The following PIK3C2G variants were observed in gnomAD, a reference collection of about 807,000 sequenced individuals.
The protein encoded by PIK3C2G is phosphatidylinositol 3-kinase C2 domain-containing subunit gamma.
In PIK3C2G, 168 loss-of-function variants were observed where a neutral mutation model predicts 181.1. The observed-to-expected ratio is 0.93, with a 90% CI of 0.82 to 1.05. The LOEUF (loss-of-function observed/expected upper bound fraction) is 1.05. PIK3C2G is among the 50% of genes least tolerant of loss of function. The pLI is 0.00. For missense variants in PIK3C2G, 1,869 were observed against 1,732.8 expected, an observed-to-expected ratio of 1.08 and a Z score of -1.40; for synonymous variants, 573 against 592.2, an observed-to-expected ratio of 0.97 and a Z score of 0.47.
At chr12:18,713,369 A>G in the PIK3C2G span, among the ~76,000 whole-genome samples, 1 of 152,182 alleles carries the variant, frequency 6.6e-6, no homozygotes, top group Non-Finnish European at 1.5e-5. Flanking sequence ...CATACCATTC[A>G]AAAGTGATAA....
intron 31 of PIK3C2G, among the ~76,000 whole-genome samples, chr12:18,638,870 C>CAGG (rs1168113945): frequency 6.9e-6 from 1 of 145,932 alleles, no homozygotes; most frequent in Non-Finnish European, 1.5e-5. Context: ...GGATTATAGG[C>CAGG]AGGATATCCT....
Position 18,505,370 on chromosome 12 carries a change from G to C in PIK3C2G, c.3232G>C (p.Asp1078His). The change falls in exon 24 of 33, where the codon GAT becomes CAT. Residue 1078 changes from aspartate (D) to histidine (H), a missense_variant. Coordinates refer to ENST00000538779, the MANE Select transcript of PIK3C2G (RefSeq NM_001288772.2). ...CCTGGGAGTATGTGACCGTCACAAT[G>C]ATAATATCATGCTGACAAAGTCGGG... ...FILGVCDRHN[D>H]NIMLTKSGHM... 1.2e-6 allele frequency: 2 copies of C among 1,613,314 alleles called. No homozygotes were observed. The highest frequency in any genetic ancestry group is 1.7e-6 in the Non-Finnish European group (2 of 1,179,588).
intron 6 of PIK3C2G, among the ~76,000 whole-genome samples, chr12:18,318,539 A>C (rs1396457719): frequency 6.6e-6 from 1 of 151,994 alleles, no homozygotes; most frequent in Non-Finnish European, 1.5e-5. Context: ...TAAGTAAAAC[A>C]TTTATGAACA....
intron 1 of PIK3C2G, among the ~76,000 whole-genome samples, chr12:18,270,797 A>G (rs1217757928): frequency 1.3e-5 from 2 of 152,172 alleles, no homozygotes; most frequent in Non-Finnish European, 2.9e-5. Context: ...AACTCCTTCT[A>G]TTATTAAAAT....
chr12:18,302,073 T>A (rs1950199131), intron 5 of PIK3C2G, among the ~76,000 whole-genome samples: 1 of 152,164 alleles, frequency 6.6e-6, no homozygotes, highest in Non-Finnish European at 1.5e-5. Flanking sequence ...CTGGGTGAAT[T>A]AAACCTCAGC....
At chr12:18,623,268 C>G (rs933344501) in intron 31 of PIK3C2G, among the ~76,000 whole-genome samples, 2 of 151,500 alleles carry the variant, frequency 1.3e-5, no homozygotes, top group Non-Finnish European at 3.0e-5. Context: ...ATATGAATAC[C>G]CAATTTTTCC....
At chr12:18,452,693 G>A (rs1947429339) in intron 18 of PIK3C2G, among the ~76,000 whole-genome samples, 2 of 152,138 alleles carry the variant, frequency 1.3e-5, no homozygotes, top group Admixed American at 6.5e-5. Flanking sequence ...ACTTTCTGAT[G>A]TGGGCATTCA....
chr12:18,450,802 C>T (rs936472571), intron 18 of PIK3C2G, among the ~76,000 whole-genome samples: 2 of 152,142 alleles, frequency 1.3e-5, no homozygotes, highest in African/African-American at 4.8e-5. Context: ...TATGGTTAGC[C>T]AGTTTTCCCA....
chr12:18,326,379 C>A (rs967685971), intron 8 of PIK3C2G, among the ~76,000 whole-genome samples: 9 of 152,108 alleles, frequency 5.9e-5, no homozygotes, highest in African/African-American at 1.9e-4. Context: ...TGACTTCTTT[C>A]TTTCTGTTAA....
intron 26 of PIK3C2G, among the ~76,000 whole-genome samples, chr12:18,559,806 A>G (rs1457548273): frequency 4.4e-5 from 2 of 45,842 alleles, no homozygotes; most frequent in Non-Finnish European, 4.4e-5. Context: ...ATATATATAT[A>G]TATATATATA....
chr12:18,681,966 G>A, the PIK3C2G span, among the ~76,000 whole-genome samples: 2 of 151,986 alleles, frequency 1.3e-5, no homozygotes, highest in Non-Finnish European at 2.9e-5. Context: ...TTGGGTCAAT[G>A]GGCTGAAACT....
chr12:18,684,109 TCTAA>T, the PIK3C2G span: 1 of 1,609,710 alleles, frequency 6.2e-7, no homozygotes, highest in Non-Finnish European at 8.5e-7. Context: ...GGTACAATCA[TCTAA>T]CTTTTAGGGA....
chr12:18,395,496 G>A (rs984925981), intron 15 of PIK3C2G, among the ~76,000 whole-genome samples: 15 of 148,696 alleles, frequency 1.0e-4, no homozygotes, highest in Middle Eastern at 3.4e-3. Flanking sequence ...AAGTTCATCC[G>A]TACTATACAA....
At chr12:18,575,042 G>A (rs1946160167) in intron 29 of PIK3C2G, among the ~76,000 whole-genome samples, 1 of 152,082 alleles carries the variant, frequency 6.6e-6, no homozygotes, top group Non-Finnish European at 1.5e-5. Context: ...GTAATATTGT[G>A]GTTTAATGAT....
At chr12:18,604,128 C>T (rs921213204) in intron 30 of PIK3C2G, among the ~76,000 whole-genome samples, 1 of 152,118 alleles carries the variant, frequency 6.6e-6, no homozygotes, top group Admixed American at 6.5e-5. Context: ...ACTCACCAAC[C>T]ATCTGCTGCC....
intron 29 of PIK3C2G, among the ~76,000 whole-genome samples, chr12:18,580,546 G>A (rs369036729): frequency 2.7e-4 from 41 of 152,210 alleles, no homozygotes; most frequent in African/African-American, 8.7e-4. Context: ...TATGTTGCAC[G>A]CAGGATAAAT....
At chr12:18,289,970 G>A (rs1321972716) in intron 3 of PIK3C2G, among the ~76,000 whole-genome samples, 1 of 152,034 alleles carries the variant, frequency 6.6e-6, no homozygotes, top group Non-Finnish European at 1.5e-5. Flanking sequence ...TTCTACATGT[G>A]GGCATAAAAC....
intron 1 of PIK3C2G, among the ~76,000 whole-genome samples, chr12:18,255,021 G>C (rs1278426069): frequency 6.6e-6 from 1 of 151,836 alleles, no homozygotes; most frequent in African/African-American, 2.4e-5. Flanking sequence ...CTGAGGTTGG[G>C]AGTTTGAGAC....
chr12:18,312,090 C>T lies in PIK3C2G; in HGVS notation c.1035-1872C>T, dbSNP rs556895407. Among the ~76,000 whole-genome samples the T allele has an allele frequency of 2.6e-5, 4 of 152,212 alleles. No homozygotes were observed. The South Asian group carries it at 6.2e-4, about 24-fold the overall frequency. On this transcript the variant is annotated intron_variant, in intron 5 of 32. Coordinates refer to ENST00000538779, the MANE Select transcript of PIK3C2G (RefSeq NM_001288772.2). Reference sequence around the variant, plus strand: ...CATGCTGGCAGCTGTTTAGATTGTGCCCACCCAGATTAAGGATGAGTCTGC... The same window carrying T: ...CATGCTGGCAGCTGTTTAGATTGTGTCCACCCAGATTAAGGATGAGTCTGC...
Sources: gnomAD v4.1 joint callset for allele counts (sites outside exome capture counted in the v4.1 genomes callset) on GRCh38, gnomAD v4.1.1 for gene constraint, MANE v1.5 for transcripts, NCBI Gene and HGNC (gene_info 2026-07-23, HGNC 2026-07-21) for gene names.